The following CAMK1D variants were observed in gnomAD, a reference collection of about 807,000 sequenced individuals.
The protein encoded by CAMK1D is calcium/calmodulin dependent protein kinase ID, also known as calcium/calmodulin-dependent protein kinase type 1D.
A neutral mutation model predicts 47.7 loss-of-function variants in CAMK1D; 9 were observed. That is an observed-to-expected ratio of 0.19 (90% CI 0.11 to 0.33). The LOEUF is 0.33. Ranked by LOEUF, CAMK1D falls within the 10% of genes least tolerant of loss-of-function variation. The pLI, the probability that CAMK1D is intolerant of heterozygous loss-of-function variation, is 1.00. For synonymous variants in CAMK1D, 184 were observed against 184.9 expected (o/e 0.99, Z 0.04); for missense variants, 291 against 488.7 (o/e 0.60, Z 3.81).
At chr10:12,654,690 A>C (rs1307250623) in intron 2 of CAMK1D, among the ~76,000 whole-genome samples, 3 of 152,202 alleles carry the variant, frequency 2.0e-5, no homozygotes. Flanking sequence ...TTAAATCTTT[A>C]TCCTTAGGAC....
chr10:12,470,556 C>T (rs147113317), intron 1 of CAMK1D, among the ~76,000 whole-genome samples: 12 of 151,424 alleles, frequency 7.9e-5, no homozygotes, highest in East Asian at 1.9e-4. Flanking sequence ...CTCGCTCTGT[C>T]GCCCAGGTGG....
intron 1 of CAMK1D, among the ~76,000 whole-genome samples, chr10:12,518,923 A>T (rs1302648520): frequency 7.7e-6 from 1 of 130,000 alleles, no homozygotes; most frequent in African/African-American, 2.9e-5. Flanking sequence ...CGATTTCTCA[A>T]TTTTTTCCCC....
chr10:12,638,282 TGG>T (rs1226640181), intron 2 of CAMK1D, among the ~76,000 whole-genome samples: 13 of 152,200 alleles, frequency 8.5e-5, no homozygotes, highest in Non-Finnish European at 1.2e-4. Context: ...GGGCGTGGTC[TGG>T]ATAAAGTCCA....
At chr10:12,726,145 G>A (rs886310644) in intron 3 of CAMK1D, among the ~76,000 whole-genome samples, 8 of 151,966 alleles carry the variant, frequency 5.3e-5, no homozygotes, top group African/African-American at 1.9e-4. Context: ...GGAATACTGG[G>A]CCGGGTGCAG....
chr10:12,670,687 G>A (rs183996636), intron 3 of CAMK1D, among the ~76,000 whole-genome samples: 1 of 152,004 alleles, frequency 6.6e-6, no homozygotes, highest in East Asian at 1.9e-4. Context: ...AGCTGGGATT[G>A]TGGGCACCTG....
intron 2 of CAMK1D, among the ~76,000 whole-genome samples, chr10:12,649,445 A>T (rs12248346): frequency 0.25 from 38,643 of 152,140 alleles, 5,068 homozygotes; most frequent in South Asian, 0.37. Flanking sequence ...GTCCACGGAA[A>T]TTCCACCAAG....
intron 2 of CAMK1D, among the ~76,000 whole-genome samples, chr10:12,617,520 A>C (rs1197871717): frequency 1.1e-4 from 16 of 152,176 alleles, no homozygotes; most frequent in Non-Finnish European, 2.1e-4. Context: ...CCAGAAAATA[A>C]GCGCACCCCA....
intron 2 of CAMK1D, among the ~76,000 whole-genome samples, chr10:12,599,532 C>G (rs577527127): frequency 1.1e-4 from 17 of 152,178 alleles, no homozygotes; most frequent in African/African-American, 4.1e-4. Context: ...AAGAAAAGAG[C>G]CAGTCTTTGG....
chr10:12,580,775 T>A (rs1477473634), intron 2 of CAMK1D, among the ~76,000 whole-genome samples: 2 of 152,140 alleles, frequency 1.3e-5, no homozygotes, highest in African/African-American at 4.8e-5. Flanking sequence ...GGGAAATGTG[T>A]GTATTGTTTT....
chr10:12,621,629 A>G (rs1198247717), intron 2 of CAMK1D, among the ~76,000 whole-genome samples: 2 of 152,046 alleles, frequency 1.3e-5, no homozygotes, highest in Non-Finnish European at 2.9e-5. Flanking sequence ...AAATATTGGT[A>G]TAAATGTTTG....
chr10:12,485,169 G>C (rs1194436382), intron 1 of CAMK1D, among the ~76,000 whole-genome samples: 1 of 152,208 alleles, frequency 6.6e-6, no homozygotes, highest in Non-Finnish European at 1.5e-5. Context: ...GTGTAACCGA[G>C]AGGCGAAGTG....
At chr10:12,670,214 C>T (rs974148032) in intron 3 of CAMK1D, among the ~76,000 whole-genome samples, 1 of 144,982 alleles carries the variant, frequency 6.9e-6, no homozygotes, top group Admixed American at 7.2e-5. Context: ...CACTTTTAGC[C>T]ATTCTAATGG....
chr10:12,374,490 G>C (rs958888874), intron 1 of CAMK1D, among the ~76,000 whole-genome samples: 5 of 152,064 alleles, frequency 3.3e-5, no homozygotes, highest in Admixed American at 3.3e-4. Flanking sequence ...CCTGCTTCCA[G>C]AGCCCACCAC....
chr10:12,545,864 C>T (rs1455541343), intron 1 of CAMK1D, among the ~76,000 whole-genome samples: 1 of 151,440 alleles, frequency 6.6e-6, no homozygotes, highest in Non-Finnish European at 1.5e-5. Flanking sequence ...GAATGACGTT[C>T]AGGGAAGGAG....
chr10:12,417,836 C>G (rs954580114), intron 1 of CAMK1D, among the ~76,000 whole-genome samples: 4 of 151,312 alleles, frequency 2.6e-5, no homozygotes, highest in African/African-American at 7.3e-5. Flanking sequence ...GAGCCTCACT[C>G]TGTCACCCAG....
chr10:12,747,262 C>T (rs1835725720), intron 3 of CAMK1D, among the ~76,000 whole-genome samples: 1 of 152,058 alleles, frequency 6.6e-6, no homozygotes, highest in Non-Finnish European at 1.5e-5. Context: ...GATCTCCTGA[C>T]CTCATGTTCC....
At chr10:12,692,946 C>T (rs112126019) in intron 3 of CAMK1D, among the ~76,000 whole-genome samples, 121 of 152,164 alleles carry the variant, frequency 8.0e-4, no homozygotes, top group African/African-American at 2.8e-3. Context: ...GGTATGGTGC[C>T]CGCTTGTTGG....
At chr10:12,610,197 AG>A (rs1322791519) in intron 2 of CAMK1D, among the ~76,000 whole-genome samples, 2 of 152,332 alleles carry the variant, frequency 1.3e-5, no homozygotes, top group Admixed American at 6.5e-5. Flanking sequence ...ATGTGGTTCC[AG>A]CTGTCTCCAG....
chr10:12,624,264 G>A (rs118088608), intron 2 of CAMK1D, among the ~76,000 whole-genome samples: 2 of 151,790 alleles, frequency 1.3e-5, no homozygotes, highest in Non-Finnish European at 2.9e-5. Context: ...GTAAGAACCT[G>A]TAATAGATCT....
Sources: allele counts gnomAD v4.1 joint callset (sites outside exome capture counted in the v4.1 genomes callset), GRCh38; gene constraint gnomAD v4.1.1; transcripts MANE v1.5; gene names NCBI Gene and HGNC (gene_info 2026-07-23, HGNC 2026-07-21).